The following YJEFN3 variants were observed in gnomAD, a reference collection of about 807,000 sequenced individuals.
The protein encoded by YJEFN3 is YjeF N-terminal domain containing 3.
YJEFN3 carries 29 observed loss-of-function variants against 31.5 expected under a neutral mutation model. The ratio of observed to expected loss-of-function variants is 0.92; its 90% CI spans 0.69 to 1.26. YJEFN3 has a LOEUF of 1.26. Among genes scored for constraint, YJEFN3 ranks in the 50% most tolerant of loss-of-function variants. The pLI is 0.00. For missense variants in YJEFN3, 442 were observed against 425.4 expected, an observed-to-expected ratio of 1.04 and a Z score of -0.34; for synonymous variants, 227 against 196.1, an observed-to-expected ratio of 1.16 and a Z score of -1.32.
intron 6 of YJEFN3, chr19:19,536,056 C>A (rs1288487775): frequency 1.9e-6 from 1 of 519,420 alleles, no homozygotes; most frequent in Non-Finnish European, 3.4e-6. Flanking sequence ...CCAGCCGGAC[C>A]CTCCGTGGGG....
At chr19:19,536,247 C>G (rs1205770983) in intron 6 of YJEFN3, among the ~76,000 whole-genome samples, 1 of 152,162 alleles carries the variant, frequency 6.6e-6, no homozygotes, top group Non-Finnish European at 1.5e-5. Flanking sequence ...TTAGGAACCT[C>G]TAGTCTGAGG....
Position 19,528,951 on chromosome 19 carries a change from C to A in YJEFN3, c.19C>A (p.Pro7Thr). The change falls in exon 1 of 7, where the codon CCA becomes ACA. Residue 7 changes from proline (P) to threonine (T), a missense_variant. Coordinates refer to ENST00000514277, the MANE Select transcript of YJEFN3 (RefSeq NM_198537.4). ...CTCGGCCATGAGCAGCGCAGCCGGCCCAGACCCGTCGGAGGCGCCCGAAGA... is the reference window on the plus strand; with the variant it reads ...CTCGGCCATGAGCAGCGCAGCCGGCACAGACCCGTCGGAGGCGCCCGAAGA... Reference protein sequence around the residue: MSSAAGPDPSEAPEERH... With the variant: MSSAAGTDPSEAPEERH... 1 of 1,549,646 alleles carries A rather than the reference C, an allele frequency of 6.5e-7. No homozygotes were observed. Among genetic ancestry groups the A allele is most frequent in the Non-Finnish European group, 8.7e-7 (1 of 1,146,622 alleles).
At chr19:19,535,475 G>A (rs376680042) in intron 5 of YJEFN3, 25 bp downstream of exon 5, 3 of 1,613,604 alleles carry the variant, frequency 1.9e-6, no homozygotes, top group Non-Finnish European at 2.5e-6. Flanking sequence ...GCAAGCAAGG[G>A]GGACATGGTG....
At chr19:19,531,779 T>C (rs2061159226) in intron 2 of YJEFN3, among the ~76,000 whole-genome samples, 1 of 131,176 alleles carries the variant, frequency 7.6e-6, no homozygotes, top group Non-Finnish European at 1.5e-5. Context: ...TCACCCGGGC[T>C]GGAGTGCAGT....
chr19:19,533,574 C>T (rs2061179196), intron 3 of YJEFN3: 4 of 782,634 alleles, frequency 5.1e-6, no homozygotes, highest in South Asian at 5.9e-5. Flanking sequence ...CTCCTGTTCT[C>T]CTTCCTCCTT....
intron 6 of YJEFN3, 105 bp from the exon 7 acceptor site, chr19:19,537,214 C>A: frequency 9.4e-7 from 1 of 1,068,270 alleles, no homozygotes; most frequent in Non-Finnish European, 1.3e-6. Flanking sequence ...AGGGCAGAGG[C>A]TCAGTGTTGG....
rs1337102677 is a variant in YJEFN3, at chr19:19,537,329, A to G, written c.705A>G (p.Ala235=). The G allele has an allele frequency of 6.3e-7, 1 of 1,592,824 alleles. No homozygotes were observed. The highest frequency in any genetic ancestry group is 1.1e-5 in the South Asian group (1 of 89,754). The part of the protein sequence containing the change: ...VSLDIPSGWD[A]ETGSDSEDGL... ...ACCCTCCTCCCTCAGGCTGGGACGC[A>G]GAGACCGGCAGCGATTCGGAGGACG... Residue 235 remains alanine (A), a synonymous_variant, in exon 7 of 7, where the codon GCA becomes GCG. Transcript: ENST00000514277.
chr19:19,529,586 A>T (rs966141999), intron 2 of YJEFN3, 73 bp downstream of exon 2: 89 of 1,557,460 alleles, frequency 5.7e-5, no homozygotes, highest in Non-Finnish European at 7.6e-5. Context: ...CCTTTGTGAC[A>T]TGGGACCCCA....
Position 19,535,609 on chromosome 19 carries a change from C to A in YJEFN3, c.624C>A (p.Gly208=), listed in dbSNP as rs761246688. The change falls in exon 6 of 7, where the codon GGC becomes GGA. Residue 208 remains glycine (G), a synonymous_variant. Transcript: ENST00000514277. ...GPGVEPGEVG[G]PCTRALATLK... is the part of the protein sequence containing the mutation. ...GCGTGGAGCCGGGCGAGGTCGGGGG[C>A]CCCTGCACCCGCGCGCTGGCCACGC... The A allele has an allele frequency of 1.3e-6, 2 of 1,586,322 alleles. No individual in the cohort carries two copies. Among genetic ancestry groups the A allele is most frequent in the African/African-American group, 1.4e-5 (1 of 74,018 alleles).
chr19:19,529,220 G>A (rs1321856043), intron 1 of YJEFN3, 144 bp from the exon 2 acceptor site: 8 of 1,447,478 alleles, frequency 5.5e-6, no homozygotes, highest in Admixed American at 2.7e-5. Flanking sequence ...GACCCTCCTG[G>A]CATCTTGCTG....
In YJEFN3 at chr19:19,537,177, G is replaced by C. The variant is rs541019937; in HGVS notation, c.695-142G>C. On this transcript the variant is annotated intron_variant, in intron 6 of 6. Coordinates refer to ENST00000514277, the MANE Select transcript of YJEFN3 (RefSeq NM_198537.4). ...TGGGTCTGATGGGGGAGGGGAAGTG[G>C]GGGTGGGGCAGCAGGACTCTGGTCT... 1.4e-5 allele frequency: 10 copies of C among 725,496 alleles called. No individual in the cohort carries two copies. In the East Asian group the frequency reaches 2.8e-4, roughly 20 times the overall value. The allele number at this position is 725,496 out of a possible 1,614,324, so 44.9% of individuals were successfully genotyped here. A position where few individuals can be genotyped will look rare whatever the true frequency, so the allele number is the denominator to read the frequency against.
intron 2 of YJEFN3, among the ~76,000 whole-genome samples, chr19:19,531,491 C>T (rs559948895): frequency 6.6e-6 from 1 of 152,166 alleles, no homozygotes; most frequent in African/African-American, 2.4e-5. Context: ...TCATAGCTCA[C>T]TGCAGCCTCC....
At chr19:19,529,757 G>A (rs2061136048) in intron 2 of YJEFN3, among the ~76,000 whole-genome samples, 1 of 152,140 alleles carries the variant, frequency 6.6e-6, no homozygotes, top group African/African-American at 2.4e-5. Context: ...GGTGAGGTGA[G>A]GGGGGCCTCA....
At chr19:19,530,368 C>T (rs576994015) in intron 2 of YJEFN3, among the ~76,000 whole-genome samples, 109 of 152,140 alleles carry the variant, frequency 7.2e-4, no homozygotes, top group Admixed American at 1.2e-3. Context: ...CCAATTCCCA[C>T]GCAGCCTCCC....
chr19:19,532,111 C>T (rs955203566), intron 2 of YJEFN3, among the ~76,000 whole-genome samples: 1 of 152,186 alleles, frequency 6.6e-6, no homozygotes, highest in Admixed American at 6.5e-5. Flanking sequence ...GCCCCAGGCC[C>T]CAAGGCCTCC....
chr19:19,535,051 T>G lies in YJEFN3; in HGVS notation c.336T>G (p.Ala112=). ...ACCACCAGGCGTTCCCGTTGCCCGC[T>G]CTCTCCCGGAAGCAGAGGACGGTGC... ...VAVTKAFPLP[A]LSRKQRTVLV... is the part of the protein sequence containing the mutation. The change falls in exon 4 of 7, where the codon GCT becomes GCG. Residue 112 remains alanine, a synonymous_variant. Transcript: ENST00000514277. 6.2e-7 allele frequency: 1 copy of G among 1,604,562 alleles called. No individual in the cohort carries two copies. Among genetic ancestry groups the G allele is most frequent in the Non-Finnish European group, 8.5e-7 (1 of 1,175,166 alleles).
At chr19:19,536,531 T>C (rs1003111560) in intron 6 of YJEFN3, among the ~76,000 whole-genome samples, 1 of 150,438 alleles carries the variant, frequency 6.6e-6, no homozygotes, top group Non-Finnish European at 1.5e-5. Flanking sequence ...ATACAAACAT[T>C]TGCTGGGTGT....
At position 19,535,477 on chromosome 19, in the gene YJEFN3, G is replaced by C. The variant is rs773233918; in HGVS notation, c.543+27G>C. ...TCAGCGCTGGGTGGCAAGCAAGGGG[G>C]ACATGGTGTGCAGTGGCCCTGGGCC... On this transcript the variant is annotated intron_variant, in intron 5 of 6. Coordinates refer to ENST00000514277, the MANE Select transcript of YJEFN3 (RefSeq NM_198537.4). 2.5e-6 allele frequency: 4 copies of C among 1,613,548 alleles called. No homozygotes were observed. The African/African-American group carries it at 5.3e-5, about 22-fold the overall frequency.
chr19:19,536,003 TGGAACCATTAGGCGACAGGCAGAC>T, intron 6 of YJEFN3: 2 of 551,144 alleles, frequency 3.6e-6, no homozygotes, highest in Middle Eastern at 4.7e-4. Flanking sequence ...CCATGCCTGT[TGGAACCATTAGGCGACAGGCAGAC>T]GGAACAAACA....
Sources: gnomAD v4.1 joint callset for allele counts (sites outside exome capture counted in the v4.1 genomes callset) on GRCh38, gnomAD v4.1.1 for gene constraint, MANE v1.5 for transcripts, NCBI Gene and HGNC (gene_info 2026-07-23, HGNC 2026-07-21) for gene names.